The following MYH15 variants were observed in gnomAD, a reference collection of about 807,000 sequenced individuals.
The protein encoded by MYH15 is myosin heavy chain 15.
Under a neutral mutation model 240.5 loss-of-function variants are expected in MYH15, and 227 were observed. The ratio of observed to expected loss-of-function variants is 0.94; its 90% CI spans 0.85 to 1.05. MYH15 has a LOEUF of 1.05. Among genes scored for constraint, MYH15 ranks in the 50% least tolerant of loss-of-function variants. The pLI is 0.00. For missense variants in MYH15, 2,217 were observed against 2,247.5 expected, an observed-to-expected ratio of 0.99 and a Z score of 0.27; for synonymous variants, 785 against 796.7, an observed-to-expected ratio of 0.99 and a Z score of 0.25.
chr3:108,496,690 G>C (rs1214158094), intron 6 of MYH15, among the ~76,000 whole-genome samples: 1 of 151,090 alleles, frequency 6.6e-6, no homozygotes, highest in Non-Finnish European at 1.5e-5. Flanking sequence ...AAATAAGTTA[G>C]AGAACATTAT....
intron 40 of MYH15, 113 bp from the exon 41 acceptor site, chr3:108,381,672 T>C (rs1204417330): frequency 8.6e-7 from 1 of 1,165,902 alleles, no homozygotes; most frequent in Non-Finnish European, 1.3e-6. Flanking sequence ...CTTAGCCAAC[T>C]CTTCATTAAC....
chr3:108,509,786 A>C (rs1467067737), intron 1 of MYH15, among the ~76,000 whole-genome samples: 1 of 152,186 alleles, frequency 6.6e-6, no homozygotes, highest in Non-Finnish European at 1.5e-5. Flanking sequence ...ATTTATTTAG[A>C]GATTTCAATG....
At chr3:108,390,613 A>G (rs2082416533) in intron 37 of MYH15, among the ~76,000 whole-genome samples, 1 of 152,144 alleles carries the variant, frequency 6.6e-6, no homozygotes, top group Non-Finnish European at 1.5e-5. Flanking sequence ...GGTTTTTGCC[A>G]TTCTTTTGTT....
chr3:108,508,503 T>G (rs949279202), intron 1 of MYH15, among the ~76,000 whole-genome samples: 1 of 152,236 alleles, frequency 6.6e-6, no homozygotes, highest in Admixed American at 6.5e-5. Flanking sequence ...TATTCTCATC[T>G]GTAAAGTAGG....
At chr3:108,393,895 G>T in intron 36 of MYH15, 136 bp downstream of exon 36, 1 of 1,251,450 alleles carries the variant, frequency 8.0e-7, no homozygotes, top group Non-Finnish European at 1.1e-6. Context: ...GGGAGGCAGA[G>T]AGGTCAGACT....
At chr3:108,500,407 T>C (rs940488048) in intron 3 of MYH15, 133 bp from the exon 4 acceptor site, 19 of 929,656 alleles carry the variant, frequency 2.0e-5, no homozygotes, top group African/African-American at 1.3e-4. Flanking sequence ...TTTGGAATCA[T>C]GTAGAGAAGG....
In MYH15 at chr3:108,465,883, C is replaced by T. The variant is rs1386033213; in HGVS notation, c.1555-1069G>A. Among the ~76,000 whole-genome samples the T allele has an allele frequency of 3.3e-5, 5 of 152,268 alleles. No individual in the cohort carries two copies. The South Asian group carries it at 8.3e-4, about 25-fold the overall frequency. ...CACAGGTTGCAGTGAGCCCAAATCA[C>T]ACCATTGCACTCCAGCTTGAGCAAC... On this transcript the variant is annotated intron_variant, in intron 14 of 40. Transcript: ENST00000693548.
the MYH15 span, chr3:108,550,064 C>T: frequency 2.0e-5 from 3 of 151,730 alleles, no homozygotes; most frequent in African/African-American, 7.3e-5. Context: ...TCACTTAAAT[C>T]AAACAGACAT....
At position 108,428,807 on chromosome 3, in the gene MYH15, A is replaced by C. The variant is rs1437093597; in HGVS notation, c.3387T>G (p.Ala1129=). ...AGTCAGCCAGGTCTTGGGTGAGGTC[A>C]GCTCTCTCCCTTTCCATCTTGGCTC... ...TTRAKMERER[A]DLTQDLADLN... is the part of the protein sequence containing the mutation. The change falls in exon 27 of 41, where the codon GCT becomes GCG. Residue 1129 remains alanine (A), a synonymous_variant. Transcript: ENST00000693548. The C allele has an allele frequency of 6.2e-7, 1 of 1,613,748 alleles. No homozygotes were observed. Among genetic ancestry groups the C allele is most frequent in the Admixed American group, 1.7e-5 (1 of 59,972 alleles).
chr3:108,533,234 AAAG>A (rs562416361), upstream of MYH15, among the ~76,000 whole-genome samples: 82 of 151,068 alleles, frequency 5.4e-4, 1 homozygote, highest in South Asian at 5.0e-3. Flanking sequence ...AATGCAGTAG[AAAG>A]AAGTTCAGGC....
Position 108,410,945 on chromosome 3 carries a change from G to GAC in MYH15, c.4146-15_4146-14dup, listed in dbSNP as rs1560331906. ...TGCCAGTTCCTTCCTGAGAAAGGAG[G>GAC]ACACCCAAAGAGTGAGTGAGGCAAT... On this transcript the variant is annotated splice_polypyrimidine_tract_variant and intron_variant, in intron 30 of 40. Coordinates refer to ENST00000693548, the MANE Select transcript of MYH15 (RefSeq NM_014981.3). The GAC allele has an allele frequency of 6.3e-7, 1 of 1,578,668 alleles. No individual in the cohort carries two copies. The highest frequency in any genetic ancestry group is 8.7e-7 in the Non-Finnish European group (1 of 1,155,476).
intron 25 of MYH15, among the ~76,000 whole-genome samples, chr3:108,431,622 A>G (rs1044568642): frequency 2.0e-5 from 3 of 152,338 alleles, no homozygotes; most frequent in Admixed American, 2.0e-4. Flanking sequence ...CAGCAGTGTG[A>G]AAACGGACTA....
At chr3:108,525,569 A>G (rs930123225) in intron 1 of MYH15, among the ~76,000 whole-genome samples, 2 of 152,284 alleles carry the variant, frequency 1.3e-5, no homozygotes, top group African/African-American at 4.8e-5. Flanking sequence ...GAAAGAATCA[A>G]TTGGGCCAAA....
rs191885810 is a variant in MYH15, at chr3:108,488,647, T to C, written c.872-2121A>G. Among the ~76,000 whole-genome samples the C allele has an allele frequency of 5.8e-3, 883 of 152,292 alleles. 9 individuals are homozygous for C. Among genetic ancestry groups the C allele is most frequent in the African/African-American group, 0.02 (815 of 41,560 alleles). On this transcript the variant is annotated intron_variant, in intron 9 of 40. Transcript: ENST00000693548. ...TTTTTAAAGGCATAATAGTATCCTA[T>C]TGTGTATATATACCACATTTTCTTT...
chr3:108,418,880 G>T (rs2082658408), intron 28 of MYH15, among the ~76,000 whole-genome samples: 1 of 152,054 alleles, frequency 6.6e-6, no homozygotes, highest in African/African-American at 2.4e-5. Flanking sequence ...CCTCCCAAAT[G>T]GCTGGGACTA....
At chr3:108,426,220 C>A (rs1264761959) in intron 27 of MYH15, among the ~76,000 whole-genome samples, 5 of 143,648 alleles carry the variant, frequency 3.5e-5, no homozygotes, top group African/African-American at 5.2e-5. Context: ...AAAAAAAAAA[C>A]CCTAAGGACA....
intron 36 of MYH15, among the ~76,000 whole-genome samples, chr3:108,393,826 C>A (rs2082438920): frequency 6.6e-6 from 1 of 152,260 alleles, no homozygotes; most frequent in South Asian, 2.1e-4. Context: ...TGCTCCTTTT[C>A]ATCACCAGGG....
intron 35 of MYH15, 68 bp downstream of exon 35, chr3:108,398,569 C>A (rs551811138): frequency 1.3e-6 from 2 of 1,523,158 alleles, no homozygotes; most frequent in Admixed American, 1.7e-5. Flanking sequence ...TCCAAGGCCG[C>A]CCCAAGTGTG....
the MYH15 span, among the ~76,000 whole-genome samples, chr3:108,541,783 A>T: frequency 6.6e-6 from 1 of 152,280 alleles, no homozygotes; most frequent in East Asian, 1.9e-4. Context: ...AACTATATTG[A>T]TCAATGAAAT....
Sources: allele counts gnomAD v4.1 joint callset (sites outside exome capture counted in the v4.1 genomes callset), GRCh38; gene constraint gnomAD v4.1.1; transcripts MANE v1.5; gene names NCBI Gene and HGNC (gene_info 2026-07-23, HGNC 2026-07-21).